MEP1B: variants seen among roughly 807,000 people sequenced by gnomAD.
MEP1B encodes the protein N-benzoyl-L-tyrosyl-P-amino-benzoic acid hydrolase subunit beta.
MEP1B carries 80 observed loss-of-function variants against 84.6 expected under a neutral mutation model. The ratio of observed to expected loss-of-function variants is 0.95; its 90% confidence interval spans 0.79 to 1.14. The LOEUF (loss-of-function observed/expected upper bound fraction) is 1.14. MEP1B is among the 50% of genes most tolerant of loss of function. The probability of loss-of-function intolerance (pLI) is 0.00; values close to 1 mark genes in which losing one functional copy is unlikely to be tolerated. For missense variants in MEP1B, 766 were observed against 855.1 expected (o/e 0.90, Z 1.30); for synonymous variants, 273 against 288.1 (o/e 0.95, Z 0.53).
intron 1 of MEP1B, among the ~76,000 whole-genome samples, chr18:32,190,850 C>T (rs931818491): frequency 6.6e-6 from 1 of 152,080 alleles, no homozygotes; most frequent in Non-Finnish European, 1.5e-5. Context: ...GTGAAACATG[C>T]AAAGCACTTG....
rs2040985986 is a variant in MEP1B, at chr18:32,208,191, G to A, written c.839G>A (p.Gly280Glu). Reference protein sequence around the residue: ...ENVCGMIQSSGDNADWQRVSQ... With the variant: ...ENVCGMIQSSEDNADWQRVSQ... The stretch of plus-strand genomic sequence containing the variant: ...GTGTGTGGCATGATCCAAAGTTCAG[G>A]AGATAATGCTGACTGGCAACGGGTT... Residue 280 changes from glycine (G) to glutamate (E), a missense_variant, in exon 9 of 15, where the codon GGA becomes GAA. Physicochemically the swap from Gly to Glu is moderately conservative, Grantham distance 98. Coordinates refer to ENST00000269202, the MANE Select transcript of MEP1B (RefSeq NM_005925.3). The A allele has an allele frequency of 6.2e-7, 1 of 1,613,994 alleles. No individual in the cohort carries two copies. Among genetic ancestry groups the A allele is most frequent in the Non-Finnish European group, 8.5e-7 (1 of 1,179,874 alleles).
chr18:32,204,884 A>T (rs2040948984), intron 7 of MEP1B, among the ~76,000 whole-genome samples: 1 of 151,966 alleles, frequency 6.6e-6, no homozygotes, highest in Non-Finnish European at 1.5e-5. Flanking sequence ...CAAGGAATCC[A>T]CTCCTGCAGT....
In MEP1B at chr18:32,217,742, T is replaced by A; in HGVS notation, c.1887-19T>A. The stretch of plus-strand genomic sequence containing the variant: ...TTAGATATCAACTAATAACTCTGAG[T>A]CATGCTCTCAACATGCAGGTGCCAG... On this transcript the variant is annotated intron_variant, in intron 13 of 14. Transcript: ENST00000269202. 1 of 1,602,472 alleles carries A rather than the reference T, an allele frequency of 6.2e-7. No individual in the cohort carries two copies.
At chr18:32,201,299 TAC>T (rs58057830) in intron 5 of MEP1B, among the ~76,000 whole-genome samples, 4,615 of 143,954 alleles carry the variant, frequency 0.032, 60 homozygotes, top group Non-Finnish European at 0.038. Context: ...CATATGTAGA[TAC>T]ACACACACAC....
intron 5 of MEP1B, among the ~76,000 whole-genome samples, chr18:32,200,689 C>A (rs1022035704): frequency 2.0e-5 from 3 of 152,150 alleles, no homozygotes; most frequent in Admixed American, 6.5e-5. Context: ...TGAGCTTGAA[C>A]TTCAGATGTT....
intron 5 of MEP1B, among the ~76,000 whole-genome samples, chr18:32,198,162 T>C (rs779127685): frequency 1.3e-5 from 2 of 152,174 alleles, no homozygotes; most frequent in Admixed American, 6.5e-5. Flanking sequence ...ATATGCATTA[T>C]AAGCAGAGGA....
intron 11 of MEP1B, 83 bp downstream of exon 11, chr18:32,213,642 A>G: frequency 9.6e-7 from 1 of 1,044,878 alleles, no homozygotes. Flanking sequence ...GGGATTGCAC[A>G]GTTAGTTACC....
intron 5 of MEP1B, among the ~76,000 whole-genome samples, chr18:32,200,316 T>G (rs927859034): frequency 6.6e-6 from 1 of 152,184 alleles, no homozygotes; most frequent in African/African-American, 2.4e-5. Flanking sequence ...TTTGTTCTAA[T>G]TTTTTCACTT....
chr18:32,190,203 G>C (rs934362641), intron 1 of MEP1B, 70 bp downstream of exon 1: 48 of 1,088,342 alleles, frequency 4.4e-5, no homozygotes, highest in Non-Finnish European at 5.9e-5. Context: ...TAAAGAACAA[G>C]TGTTTTTTTT....
At chr18:32,219,405 A>G (rs2041126661) in intron 14 of MEP1B, among the ~76,000 whole-genome samples, 1 of 152,246 alleles carries the variant, frequency 6.6e-6, no homozygotes, top group African/African-American at 2.4e-5. Flanking sequence ...TTGTTTTAAG[A>G]CAACTTTCAG....
chr18:32,202,886 C>T lies in MEP1B; in HGVS notation c.251-7C>T, dbSNP rs756024864. The T allele has an allele frequency of 6.4e-7, 1 of 1,563,648 alleles. No individual in the cohort carries two copies. Among genetic ancestry groups the T allele is most frequent in the Non-Finnish European group, 8.8e-7 (1 of 1,140,692 alleles). On this transcript the variant is annotated splice_region_variant and splice_polypyrimidine_tract_variant and intron_variant, in intron 5 of 14. Transcript: ENST00000269202. ...TAAGCTTATTTTTGTTTGTTTTCTTCCTTCAGAAATGAATGCTAAGGGAGT... is the reference window on the plus strand; with the variant it reads ...TAAGCTTATTTTTGTTTGTTTTCTTTCTTCAGAAATGAATGCTAAGGGAGT...
In MEP1B at chr18:32,210,627, G is replaced by A. The variant is rs753574442; in HGVS notation, c.1046G>A (p.Gly349Asp). The A allele has an allele frequency of 6.2e-6, 10 of 1,613,946 alleles. No individual in the cohort carries two copies. In the South Asian group the frequency reaches 8.8e-5, roughly 14 times the overall value. ...QCLQFYLYNS[G>D]SESDQLNIYI... ...CTGCAATTTTACTTATATAACAGTGGCAGTGAAAGTGATCAACTGAACATC... is the reference window on the plus strand; with the variant it reads ...CTGCAATTTTACTTATATAACAGTGACAGTGAAAGTGATCAACTGAACATC... The change falls in exon 10 of 15, where the codon GGC becomes GAC. Residue 349 changes from glycine to aspartate, a missense_variant. By Grantham distance (94) the Gly-to-Asp change is moderately conservative. Transcript: ENST00000269202.
At chr18:32,203,099 CT>C in intron 6 of MEP1B, 89 bp downstream of exon 6, 1 of 714,772 alleles carries the variant, frequency 1.4e-6, no homozygotes. Context: ...AGGCTCTGAC[CT>C]TTAGGAAGGG....
chr18:32,217,515 C>T (rs10502584), intron 13 of MEP1B, among the ~76,000 whole-genome samples: 12,862 of 152,126 alleles, frequency 0.085, 615 homozygotes, highest in East Asian at 0.14. Flanking sequence ...TCTGTGCTAT[C>T]GGCCTTTCCT....
chr18:32,215,326 T>G, intron 12 of MEP1B, 65 bp downstream of exon 12: 1 of 1,089,030 alleles, frequency 9.2e-7, no homozygotes, highest in Non-Finnish European at 1.3e-6. Context: ...GATTATTTTC[T>G]GTTTTTCTTT....
chr18:32,217,204 T>G, intron 13 of MEP1B, 87 bp downstream of exon 13: 1 of 1,432,834 alleles, frequency 7.0e-7, no homozygotes, highest in Non-Finnish European at 9.4e-7. Context: ...ATAGTTCTTA[T>G]GAATGAAATC....
rs977995828 is a variant in MEP1B, at chr18:32,196,396, G to A, written c.250+911G>A. 6 of 698,270 alleles carry A rather than the reference G, an allele frequency of 8.6e-6. No individual in the cohort carries two copies. The highest frequency in any genetic ancestry group is 5.3e-6 in the Non-Finnish European group (2 of 377,088). 43.3% of individuals were successfully genotyped at this position (698,270 alleles called of 1,614,324 possible). On this transcript the variant is annotated intron_variant, in intron 5 of 14. Transcript: ENST00000269202. The surrounding 1 kb of genome is among the most constrained non-coding windows in gnomAD (Gnocchi z 4.4). Reference sequence around the variant, plus strand: ...CTTGAGGTACTCAGAGCTCTCCTTGGTCTTCTCCTGGTCCTCGCCCAGCTG... The same window carrying A: ...CTTGAGGTACTCAGAGCTCTCCTTGATCTTCTCCTGGTCCTCGCCCAGCTG...
chr18:32,214,316 T>C (rs760854827), intron 11 of MEP1B, among the ~76,000 whole-genome samples: 1 of 152,198 alleles, frequency 6.6e-6, no homozygotes, highest in Admixed American at 6.5e-5. Context: ...AATTCTTTGC[T>C]TCTGAGACCC....
chr18:32,216,993 A>G lies in MEP1B; in HGVS notation c.1762A>G (p.Ile588Val), dbSNP rs370498198. 17 of 1,613,598 alleles carry G rather than the reference A, an allele frequency of 1.1e-5. No homozygotes were observed. In the African/African-American group the frequency reaches 1.7e-4, roughly 16 times the overall value. ...CACACTCTTCCCCATCTTCCTAGAC[A>G]TATCTCACCTCAACTCTACACAAAT... is the stretch of plus-strand genomic sequence containing the variant. ...DVYILLTVEDISHLNSTQIQL... is the reference protein window; with the variant it reads ...DVYILLTVEDVSHLNSTQIQL... Residue 588 changes from isoleucine (I) to valine (V), a missense_variant and splice_region_variant, in exon 13 of 15, where the codon ATA (isoleucine) becomes GTA (valine). By Grantham distance (29) the Ile-to-Val change is conservative. Coordinates refer to ENST00000269202, the MANE Select transcript of MEP1B (RefSeq NM_005925.3).
Sources: gnomAD v4.1 joint callset for allele counts (sites outside exome capture counted in the v4.1 genomes callset) on GRCh38, gnomAD v4.1.1 for gene constraint, Gnocchi (gnomAD v3.1) non-coding constraint, MANE v1.5 for transcripts, NCBI Gene and HGNC (gene_info 2026-07-23, HGNC 2026-07-21) for gene names.